Variants in NTM observed in about 807,000 individuals in gnomAD.
NTM encodes neurotrimin.
Under a neutral mutation model 42.1 loss-of-function variants are expected in NTM, and 13 were observed. The observed-to-expected ratio is 0.31, with a 90% CI of 0.20 to 0.49. The LOEUF is 0.49. Ranked by LOEUF, NTM falls within the 20% of genes least tolerant of loss-of-function variation. The probability of loss-of-function intolerance (pLI) is 0.99; values close to 1 mark genes in which losing one functional copy is unlikely to be tolerated. For missense variants in NTM, 373 were observed against 452.8 expected (o/e 0.82, Z 1.60); for synonymous variants, 187 against 179.2 (o/e 1.04, Z -0.35).
intron 2 of NTM, among the ~76,000 whole-genome samples, chr11:132,138,002 G>T (rs531248725): frequency 7.9e-5 from 12 of 151,986 alleles, no homozygotes; most frequent in Admixed American, 7.9e-4. Flanking sequence ...CCACAAACTC[G>T]CCAGTATTTT....
intron 1 of NTM, among the ~76,000 whole-genome samples, chr11:131,514,452 C>T (rs564107620): frequency 3.3e-5 from 5 of 152,220 alleles, no homozygotes; most frequent in African/African-American, 4.8e-5. Context: ...AAGGCAGATA[C>T]GGGAGCCCAC....
chr11:132,327,613 G>A (rs1465685748), intron 7 of NTM, among the ~76,000 whole-genome samples: 1 of 152,158 alleles, frequency 6.6e-6, no homozygotes, highest in Non-Finnish European at 1.5e-5. Context: ...GCCCACTAGA[G>A]CCAGACAACA....
At chr11:131,402,617 C>T (rs1161338923) in intron 1 of NTM, among the ~76,000 whole-genome samples, 1 of 152,162 alleles carries the variant, frequency 6.6e-6, no homozygotes, top group African/African-American at 2.4e-5. Flanking sequence ...CGTGCCCACT[C>T]AGAATGGAAA....
intron 1 of NTM, among the ~76,000 whole-genome samples, chr11:131,608,420 G>C (rs2137506326): frequency 6.6e-6 from 1 of 152,330 alleles, no homozygotes; most frequent in East Asian, 1.9e-4. Context: ...CAGTTTGAAT[G>C]TTTCTCAGAT....
chr11:132,275,708 ATATATGTATATATATACG>A (rs1392630839), intron 4 of NTM, among the ~76,000 whole-genome samples: 3 of 133,576 alleles, frequency 2.2e-5, no homozygotes, highest in Admixed American at 8.3e-5. Flanking sequence ...ATATGTATAT[ATATATGTATATATATACG>A]TATATATACG....
intron 1 of NTM, among the ~76,000 whole-genome samples, chr11:131,621,825 G>GA (rs34307645): frequency 0.47 from 49,404 of 105,998 alleles, 10,772 homozygotes; most frequent in African/African-American, 0.62. Context: ...TCAACTCAAA[G>GA]AAAAAAAAAA....
intron 2 of NTM, among the ~76,000 whole-genome samples, chr11:131,978,102 G>A (rs1234563392): frequency 1.3e-5 from 2 of 152,100 alleles, no homozygotes; most frequent in African/African-American, 4.8e-5. Flanking sequence ...GTACCTTCTG[G>A]AATGCTGAGA....
At chr11:131,608,918 CT>C (rs2137512982) in intron 1 of NTM, among the ~76,000 whole-genome samples, 1 of 152,298 alleles carries the variant, frequency 6.6e-6, no homozygotes, top group East Asian at 1.9e-4. Flanking sequence ...AAGCTCGACC[CT>C]ATAGGCTTTC....
intron 7 of NTM, 133 bp from the exon 8 acceptor site, chr11:132,330,019 AG>A: frequency 7.1e-7 from 1 of 1,413,538 alleles, no homozygotes; most frequent in Non-Finnish European, 9.5e-7. Context: ...CAGGACAGCA[AG>A]GGACATGGGC....
intron 2 of NTM, among the ~76,000 whole-genome samples, chr11:132,022,559 T>C (rs184170939): frequency 6.9e-6 from 1 of 145,238 alleles, no homozygotes; most frequent in East Asian, 1.9e-4. Flanking sequence ...AAGAGCCCTC[T>C]AACACTTAGG....
intron 7 of NTM, among the ~76,000 whole-genome samples, chr11:132,328,849 C>A (rs1217968641): frequency 6.6e-6 from 1 of 152,118 alleles, no homozygotes; most frequent in Admixed American, 6.5e-5. Context: ...TTCTGGGGCC[C>A]AGCAAGCCCT....
intron 6 of NTM, among the ~76,000 whole-genome samples, chr11:132,313,077 T>C (rs1355213469): frequency 6.6e-6 from 1 of 152,148 alleles, no homozygotes; most frequent in African/African-American, 2.4e-5. Flanking sequence ...TCTTTTCTGA[T>C]CAAGGTTACT....
intron 1 of NTM, among the ~76,000 whole-genome samples, chr11:131,507,573 G>GT (rs1228519737): frequency 2.0e-5 from 3 of 151,496 alleles, no homozygotes; most frequent in African/African-American, 2.4e-5. Flanking sequence ...CTTTAAAGTA[G>GT]TTTTTTCCAA....
At chr11:131,600,083 AATCG>A (rs1395739387) in intron 1 of NTM, among the ~76,000 whole-genome samples, 1 of 152,208 alleles carries the variant, frequency 6.6e-6, no homozygotes, top group Non-Finnish European at 1.5e-5. Context: ...GAACTTGCTC[AATCG>A]GCTTCTGTTA....
At chr11:131,646,650 G>GT (rs965197741) in intron 1 of NTM, among the ~76,000 whole-genome samples, 7 of 151,524 alleles carry the variant, frequency 4.6e-5, no homozygotes, top group South Asian at 2.1e-4. Context: ...ACTTAGAATC[G>GT]TTTTTTTTCA....
At chr11:131,401,830 A>G (rs865778629) in intron 1 of NTM, among the ~76,000 whole-genome samples, 2,439 of 64,164 alleles carry the variant, frequency 0.038, 100 homozygotes, top group African/African-American at 0.065. Context: ...ATATATATAT[A>G]TATATATATA....
intron 2 of NTM, among the ~76,000 whole-genome samples, chr11:132,057,106 T>C (rs2079816603): frequency 1.3e-5 from 2 of 152,216 alleles, no homozygotes; most frequent in Non-Finnish European, 2.9e-5. Flanking sequence ...TGGAAATCAT[T>C]TGGCGTGCAA....
At chr11:132,158,004 T>G (rs895712597) in intron 3 of NTM, among the ~76,000 whole-genome samples, 1 of 152,230 alleles carries the variant, frequency 6.6e-6, no homozygotes, top group Non-Finnish European at 1.5e-5. Context: ...CACAGCTTTC[T>G]ACCTAACTGG....
intron 2 of NTM, among the ~76,000 whole-genome samples, chr11:132,089,810 C>CT (rs1381734089): frequency 6.6e-6 from 1 of 152,060 alleles, no homozygotes; most frequent in Non-Finnish European, 1.5e-5. Context: ...CTGTTAAAGG[C>CT]TTTTTTCAAA....
Sources: gnomAD v4.1 joint callset for allele counts (sites outside exome capture counted in the v4.1 genomes callset) on GRCh38, gnomAD v4.1.1 for gene constraint, MANE v1.5 for transcripts, NCBI Gene and HGNC (gene_info 2026-07-23, HGNC 2026-07-21) for gene names.